The following ZBTB5 variants were observed in gnomAD, a reference collection of about 807,000 sequenced individuals.
The protein encoded by ZBTB5 is zinc finger and BTB domain-containing protein 5.
In ZBTB5, 15 loss-of-function variants were observed where a neutral mutation model predicts 37.9. That is an observed-to-expected ratio of 0.40 (90% confidence interval 0.26 to 0.61). The LOEUF is 0.61. Ranked by LOEUF, ZBTB5 falls within the 20% of genes least tolerant of loss-of-function variation. The probability of loss-of-function intolerance (pLI) is 0.47; values close to 1 mark genes in which losing one functional copy is unlikely to be tolerated. For synonymous variants in ZBTB5, 315 were observed against 312.4 expected (o/e 1.01, Z -0.09); for missense variants, 708 against 856.8 (o/e 0.83, Z 2.17).
chr9:37,441,927 TGG>T lies in ZBTB5; in HGVS notation c.623_624del (p.Ser208TyrfsTer3). Reference protein sequence around the residue: ...EERARQRLRPSIDESAISDVT... With the variant: ...EERARQRLRPXIDESAISDVT... The stretch of plus-strand genomic sequence containing the variant: ...ACATCTGAAATGGCAGACTCATCTA[TGG>T]AGGGTCGGAGGCGCTGCCTGGCCCG... On this transcript the variant is annotated frameshift_variant, in exon 2 of 2. Transcript: ENST00000307750. LOFTEE classifies it high-confidence loss of function. 3 of 1,614,138 alleles carry T rather than the reference TGG, an allele frequency of 1.9e-6. No individual in the cohort carries two copies. Among genetic ancestry groups the T allele is most frequent in the Non-Finnish European group, 1.7e-6 (2 of 1,180,032 alleles).
intron 1 of ZBTB5, among the ~76,000 whole-genome samples, chr9:37,457,730 T>C (rs1824217450): frequency 6.6e-6 from 1 of 152,254 alleles, no homozygotes; most frequent in African/African-American, 2.4e-5. Flanking sequence ...AGGTTATTTC[T>C]AGCTTCATGG....
Position 37,441,884 on chromosome 9 carries a change from G to A in ZBTB5, c.668C>T (p.Pro223Leu). Reference sequence around the variant, plus strand: ...CTCCTCCCGAGAATGAACCCCTGAAGGCCCATTCTCCGGTGTAACATCTGA... The same window carrying A: ...CTCCTCCCGAGAATGAACCCCTGAAAGCCCATTCTCCGGTGTAACATCTGA... ...AISDVTPENG[P>L]SGVHSREEFF... is the part of the protein sequence containing the mutation. The change falls in exon 2 of 2, where the codon CCT becomes CTT. Residue 223 changes from proline (P) to leucine (L), a missense_variant. Around this residue, in one of 3 missense-constraint regions of ZBTB5, gnomAD observed 639 missense variants for 690.5 expected, o/e 0.93. Transcript: ENST00000307750. The A allele has an allele frequency of 6.2e-7, 1 of 1,614,154 alleles. No individual in the cohort carries two copies. Among genetic ancestry groups the A allele is most frequent in the East Asian group, 2.2e-5 (1 of 44,862 alleles).
Position 37,440,512 on chromosome 9 carries a change from A to C in ZBTB5, c.*6T>G. On this transcript the variant is annotated 3_prime_UTR_variant, in exon 2 of 2. Transcript: ENST00000307750. ...GGCCTCAGCGTTGTCTTGTAAGGAC[A>C]AACAGCTAGAGCAAAGTGCTGGGAA... 1.2e-6 allele frequency: 2 copies of C among 1,612,844 alleles called. No homozygotes were observed. The highest frequency in any genetic ancestry group is 2.2e-5 in the South Asian group (2 of 91,034).
In ZBTB5 at chr9:37,441,614, T is replaced by C. The variant is rs749690165; in HGVS notation, c.938A>G (p.Glu313Gly). The change falls in exon 2 of 2, where the codon GAA becomes GGA. Residue 313 changes from glutamate to glycine, a missense_variant. Coordinates refer to ENST00000307750, the MANE Select transcript of ZBTB5 (RefSeq NM_014872.3). ...AAPEKSSFQC[E>G]NPEVGLGEKE... ...CTCACCAAGGCCAACCTCAGGGTTT[T>C]CACACTGAAAACTACTTTTCTCAGG... is the stretch of plus-strand genomic sequence containing the variant. 11 of 1,613,216 alleles carry C rather than the reference T, an allele frequency of 6.8e-6. No homozygotes were observed. Among genetic ancestry groups the C allele is most frequent in the Non-Finnish European group, 9.3e-6 (11 of 1,179,950 alleles).
chr9:37,464,398 T>C (rs1350886353), intron 1 of ZBTB5, among the ~76,000 whole-genome samples: 4 of 152,262 alleles, frequency 2.6e-5, no homozygotes, highest in Admixed American at 2.6e-4. Flanking sequence ...TAATCAACTT[T>C]ACTGTGCTTT....
intron 1 of ZBTB5, among the ~76,000 whole-genome samples, chr9:37,455,233 T>C (rs1824166413): frequency 6.6e-6 from 1 of 152,004 alleles, no homozygotes; most frequent in Non-Finnish European, 1.5e-5. Flanking sequence ...AGAAGGAGCA[T>C]CTGAATGTCA....
At chr9:37,459,120 C>T (rs1447733276) in intron 1 of ZBTB5, among the ~76,000 whole-genome samples, 1 of 152,186 alleles carries the variant, frequency 6.6e-6, no homozygotes. Flanking sequence ...ATCCAGCTGT[C>T]TTCTATTAAA....
rs1361197417 is a variant in ZBTB5, at chr9:37,441,745, A to C, written c.807T>G (p.Asp269Glu). ...MFDQSFGTQEDAQVPSQSDNS... is the reference protein window; with the variant it reads ...MFDQSFGTQEEAQVPSQSDNS... ...TATCAGACTGGCTGGGCACCTGGGC[A>C]TCTTCTTGAGTGCCAAAAGACTGAT... The change falls in exon 2 of 2, where the codon GAT becomes GAG. Residue 269 changes from aspartate (D) to glutamate (E), a missense_variant. Asp to Glu is a conservative substitution (Grantham distance 45). This residue lies in a region of ZBTB5 where 639 missense variants were observed against 690.5 expected (regional missense o/e 0.93). Transcript: ENST00000307750. The C allele has an allele frequency of 3.7e-6, 6 of 1,613,894 alleles. No individual in the cohort carries two copies. Among genetic ancestry groups the C allele is most frequent in the Middle Eastern group, 3.3e-4 (2 of 6,084 alleles).
At chr9:37,457,550 T>C (rs1588783181) in intron 1 of ZBTB5, among the ~76,000 whole-genome samples, 3 of 152,250 alleles carry the variant, frequency 2.0e-5, no homozygotes, top group Admixed American at 2.0e-4. Context: ...TTTAAAGTGC[T>C]TACTTGTTCA....
rs1411374982 is a variant in ZBTB5 at position 37,439,824 on chromosome 9, C to G, written c.*694G>C. ...TTGTCACTCTCTACAAGTACACACT[C>G]CATTTACAATTTGGTTTTTAAACCA... On this transcript the variant is annotated 3_prime_UTR_variant, in exon 2 of 2. Coordinates refer to ENST00000307750, the MANE Select transcript of ZBTB5 (RefSeq NM_014872.3). 6.6e-6 allele frequency: 1 copy of G among 152,634 alleles called. No homozygotes were observed. The highest frequency in any genetic ancestry group is 2.4e-5 in the African/African-American group (1 of 41,450). 9.5% of individuals were successfully genotyped at this position (152,634 alleles called of 1,614,324 possible).
In ZBTB5 at chr9:37,462,965, C is replaced by T. The variant is rs986496591; in HGVS notation, c.-5+2250G>A. On this transcript the variant is annotated intron_variant, in intron 1 of 1. Transcript: ENST00000307750. ...AGCCACACTGGGAAAGAGACCACCC[C>T]CTGCATGCCCTCTTCTCTGAGAGCT... Among the ~76,000 whole-genome samples the T allele has an allele frequency of 2.6e-5, 4 of 152,118 alleles. No individual in the cohort carries two copies. The East Asian group carries it at 7.7e-4, about 29-fold the overall frequency.
chr9:37,454,352 T>C (rs1000295192), intron 1 of ZBTB5, among the ~76,000 whole-genome samples: 1 of 152,188 alleles, frequency 6.6e-6, no homozygotes, highest in African/African-American at 2.4e-5. Context: ...CAAAGCTGCC[T>C]GTCTGAAGCC....
At chr9:37,452,122 C>A (rs983028272) in intron 1 of ZBTB5, among the ~76,000 whole-genome samples, 14 of 152,188 alleles carry the variant, frequency 9.2e-5, no homozygotes, top group African/African-American at 3.4e-4. Flanking sequence ...CTTCTCAAGG[C>A]TAGTTTGGCC....
intron 1 of ZBTB5, among the ~76,000 whole-genome samples, chr9:37,455,339 C>T (rs1455204028): frequency 6.6e-6 from 1 of 152,118 alleles, no homozygotes; most frequent in Non-Finnish European, 1.5e-5. Context: ...TTTCCAGCTC[C>T]CCATCCATCC....
rs781724454 is a variant in ZBTB5 at position 37,442,450 on chromosome 9, G to A, written c.102C>T (p.His34=). 8.1e-6 allele frequency: 13 copies of A among 1,614,032 alleles called. No individual in the cohort carries two copies. Among genetic ancestry groups the A allele is most frequent in the Non-Finnish European group, 1.1e-5 (13 of 1,180,054 alleles). The change falls in exon 2 of 2, where the codon CAC becomes CAT. Residue 34 remains histidine, a synonymous_variant. Transcript: ENST00000307750. ...CCAGCACGGAGCGGTGGGCTTTAAAGTGTCTATTCCCCACTACAATGACAC... is the reference window on the plus strand; with the variant it reads ...CCAGCACGGAGCGGTGGGCTTTAAAATGTCTATTCCCCACTACAATGACAC... ...CDCVIVVGNR[H]FKAHRSVLAA... is the part of the protein sequence containing the mutation.
At chr9:37,459,232 G>A (rs903870336) in intron 1 of ZBTB5, among the ~76,000 whole-genome samples, 2 of 152,174 alleles carry the variant, frequency 1.3e-5, no homozygotes, top group Non-Finnish European at 2.9e-5. Flanking sequence ...GCCAAGGCAG[G>A]TGGATCACCT....
intron 1 of ZBTB5, among the ~76,000 whole-genome samples, chr9:37,451,590 C>A (rs1415273897): frequency 6.9e-6 from 1 of 145,338 alleles, no homozygotes; most frequent in Non-Finnish European, 1.5e-5. Context: ...CAGACGTGCA[C>A]TTAGCAAATT....
intron 1 of ZBTB5, among the ~76,000 whole-genome samples, chr9:37,445,290 C>A (rs1823954790): frequency 6.6e-6 from 1 of 152,068 alleles, no homozygotes; most frequent in South Asian, 2.1e-4. Flanking sequence ...CCTTATTAAT[C>A]TAGAAATACA....
chr9:37,456,804 T>G (rs1429331470), intron 1 of ZBTB5, among the ~76,000 whole-genome samples: 4 of 152,216 alleles, frequency 2.6e-5, no homozygotes, highest in Non-Finnish European at 4.4e-5. Context: ...CTGAATAAAC[T>G]TTTGCTATAT....
Sources: gnomAD v4.1 joint callset for allele counts (sites outside exome capture counted in the v4.1 genomes callset) on GRCh38, gnomAD v4.1.1 for gene constraint, gnomAD v4.1.1 regional missense constraint, MANE v1.5 for transcripts, NCBI Gene and HGNC (gene_info 2026-07-23, HGNC 2026-07-21) for gene names.